NTRK3: variants seen among roughly 807,000 people sequenced by gnomAD.
The protein encoded by NTRK3 is neurotrophic receptor tyrosine kinase 3, also known as NT-3 growth factor receptor.
NTRK3 carries 24 observed loss-of-function variants against 91.7 expected under a neutral mutation model. That is an observed-to-expected ratio of 0.26 (90% confidence interval 0.19 to 0.37). NTRK3 has a LOEUF of 0.37. Among genes scored for constraint, NTRK3 ranks in the 10% least tolerant of loss-of-function variants. The pLI, the probability that NTRK3 is intolerant of heterozygous loss-of-function variation, is 1.00. For missense variants in NTRK3, 880 were observed against 1,068.9 expected, an observed-to-expected ratio of 0.82 and a Z score of 2.46; for synonymous variants, 483 against 404.0, an observed-to-expected ratio of 1.20 and a Z score of -2.34.
intron 14 of NTRK3, among the ~76,000 whole-genome samples, chr15:87,958,616 C>A (rs1367605233): frequency 6.6e-6 from 1 of 152,020 alleles, no homozygotes; most frequent in Non-Finnish European, 1.5e-5. Context: ...TCCTGCAGTG[C>A]TCCCAAGCCC....
chr15:87,890,149 A>G (rs1381255403), intron 17 of NTRK3, among the ~76,000 whole-genome samples: 1 of 151,992 alleles, frequency 6.6e-6, no homozygotes, highest in East Asian at 1.9e-4. Context: ...GATTAGATCT[A>G]GGTTCATAAA....
chr15:87,919,761 A>G (rs1465176263), intron 17 of NTRK3, among the ~76,000 whole-genome samples: 1 of 152,218 alleles, frequency 6.6e-6, no homozygotes. Flanking sequence ...AACTTCAGTC[A>G]CTAAACTAGA....
In NTRK3 at chr15:87,876,912, G is replaced by A; in HGVS notation, c.*23C>T. 1.9e-6 allele frequency: 3 copies of A among 1,613,284 alleles called. No homozygotes were observed. In the South Asian group the frequency reaches 3.3e-5, roughly 18 times the overall value. ...AGGGAGAGAGGAGGCAACAGAGTAT[G>A]AATTCATGACCACCAGCCACCACTA... On this transcript the variant is annotated 3_prime_UTR_variant, in exon 19 of 19. Coordinates refer to ENST00000394480, the Ensembl canonical transcript of NTRK3.
chr15:87,952,462 A>C lies in NTRK3; in HGVS notation c.1586-11709T>G, dbSNP rs2071221071. 2.0e-5 allele frequency among the ~76,000 whole-genome samples: 3 copies of C among 152,204 alleles called. No individual in the cohort carries two copies. In the South Asian group the frequency reaches 6.2e-4, roughly 32 times the overall value. On this transcript the variant is annotated intron_variant, in intron 14 of 18. Coordinates refer to ENST00000394480, the Ensembl canonical transcript of NTRK3. ...GCTTCCTGTCTTCCCTCAGGTGTGCAGTGGAGCGCTGGTGATCAGCCTCTC... is the reference window on the plus strand; with the variant it reads ...GCTTCCTGTCTTCCCTCAGGTGTGCCGTGGAGCGCTGGTGATCAGCCTCTC...
chr15:87,879,236 T>G (rs2065108062), intron 18 of NTRK3, among the ~76,000 whole-genome samples: 1 of 152,158 alleles, frequency 6.6e-6, no homozygotes, highest in African/African-American at 2.4e-5. Context: ...TGTTGAATAT[T>G]CAAATAAGAT....
chr15:88,100,358 G>A (rs1265550823), intron 13 of NTRK3, among the ~76,000 whole-genome samples: 1 of 152,162 alleles, frequency 6.6e-6, no homozygotes, highest in Admixed American at 6.5e-5. Context: ...CTCCCATCTG[G>A]AGAGCCATAT....
chr15:87,981,114 C>A, intron 14 of NTRK3: 1 of 1,513,916 alleles, frequency 6.6e-7, no homozygotes, highest in South Asian at 1.2e-5. Context: ...CCTAGTCGTA[C>A]CTCAGTCCAC....
At chr15:88,253,188 G>A (rs2053612529) in intron 3 of NTRK3, 1 of 152,282 alleles carries the variant, frequency 6.6e-6, no homozygotes, top group South Asian at 2.1e-4. Context: ...TAGGGAGCTA[G>A]GGGACCTCTT....
intron 13 of NTRK3, among the ~76,000 whole-genome samples, chr15:88,121,048 G>A (rs1000908362): frequency 1.3e-5 from 2 of 152,300 alleles, no homozygotes; most frequent in South Asian, 2.1e-4. Context: ...AGTATTTAAA[G>A]ATACTTATGA....
chr15:88,186,299 G>A (rs554794830), intron 3 of NTRK3, among the ~76,000 whole-genome samples: 4 of 152,096 alleles, frequency 2.6e-5, no homozygotes, highest in South Asian at 2.1e-4. Flanking sequence ...GTGTTGTTAC[G>A]GTTGAGTTGT....
At chr15:87,950,651 G>A (rs936494595) in intron 14 of NTRK3, among the ~76,000 whole-genome samples, 1 of 152,074 alleles carries the variant, frequency 6.6e-6, no homozygotes, top group Non-Finnish European at 1.5e-5. Context: ...TTTCATGAGC[G>A]AAATTAAGAA....
At chr15:88,063,114 A>G (rs116878165) in intron 13 of NTRK3, among the ~76,000 whole-genome samples, 251 of 152,270 alleles carry the variant, frequency 1.6e-3, no homozygotes, top group Non-Finnish European at 2.8e-3. Context: ...TCATCTATAA[A>G]CCTGGGGTGC....
chr15:87,885,076 A>G (rs920929603), intron 17 of NTRK3, among the ~76,000 whole-genome samples: 1 of 151,936 alleles, frequency 6.6e-6, no homozygotes, highest in Non-Finnish European at 1.5e-5. Context: ...CTACCCAGAA[A>G]TAAGAGAAAC....
At chr15:88,089,480 C>A (rs1018066022) in intron 13 of NTRK3, among the ~76,000 whole-genome samples, 12 of 152,148 alleles carry the variant, frequency 7.9e-5, no homozygotes, top group Admixed American at 3.9e-4. Context: ...CAGTATAGTA[C>A]GTCCAAGTGA....
At chr15:87,998,304 G>GT (rs2075848946) in intron 14 of NTRK3, among the ~76,000 whole-genome samples, 1 of 152,228 alleles carries the variant, frequency 6.6e-6, no homozygotes, top group Non-Finnish European at 1.5e-5. Context: ...TGAGTTCCAT[G>GT]TTTAACCATA....
intron 14 of NTRK3, among the ~76,000 whole-genome samples, chr15:88,003,023 G>A (rs2076229021): frequency 6.6e-6 from 1 of 152,216 alleles, no homozygotes; most frequent in Admixed American, 6.5e-5. Flanking sequence ...GCCAGCACAT[G>A]AATCTTTGGT....
At chr15:88,088,359 G>T (rs906944390) in intron 13 of NTRK3, among the ~76,000 whole-genome samples, 1 of 152,156 alleles carries the variant, frequency 6.6e-6, no homozygotes, top group Non-Finnish European at 1.5e-5. Context: ...AACTTCAGAG[G>T]CATGAGATGT....
At chr15:88,137,534 G>A in exon 7 of NTRK3, 2 of 1,614,108 alleles carry the variant, frequency 1.2e-6, no homozygotes, top group South Asian at 2.2e-5. Context: ...TGTCACAGCT[G>A]CAGTTGAAAA....
intron 5 of NTRK3, among the ~76,000 whole-genome samples, chr15:88,176,493 G>T (rs1352997099): frequency 3.3e-5 from 5 of 152,128 alleles, no homozygotes; most frequent in Admixed American, 3.3e-4. Context: ...AGAAGTGTGA[G>T]GATCCCTGGC....
Sources: gnomAD v4.1 joint callset for allele counts (sites outside exome capture counted in the v4.1 genomes callset) on GRCh38, gnomAD v4.1.1 for gene constraint, MANE v1.5 for transcripts, NCBI Gene and HGNC (gene_info 2026-07-23, HGNC 2026-07-21) for gene names.